The following SPIDR variants were observed in gnomAD, a reference collection of about 807,000 sequenced individuals.
The protein encoded by SPIDR is DNA repair-scaffolding protein.
In SPIDR, 93 loss-of-function variants were observed where a neutral mutation model predicts 104.6. The observed-to-expected ratio is 0.89, with a 90% CI of 0.75 to 1.06. The LOEUF (loss-of-function observed/expected upper bound fraction) is 1.06, where lower values mean the gene tolerates loss of function less well. Among genes scored for constraint, SPIDR ranks in the 50% least tolerant of loss-of-function variants. The probability of loss-of-function intolerance (pLI) is 0.00; values close to 1 mark genes in which losing one functional copy is unlikely to be tolerated. For synonymous variants in SPIDR, 431 were observed against 416.9 expected, an observed-to-expected ratio of 1.03 and a Z score of -0.41; for missense variants, 1,154 against 1,111.2, an observed-to-expected ratio of 1.04 and a Z score of -0.55.
At chr8:47,371,009 G>T (rs1554638495) in intron 5 of SPIDR, among the ~76,000 whole-genome samples, 3 of 151,354 alleles carry the variant, frequency 2.0e-5, no homozygotes, top group African/African-American at 7.3e-5. Flanking sequence ...GACCTCCACT[G>T]TGCTGGTCAC....
chr8:47,478,853 T>C (rs2076564138), intron 8 of SPIDR, among the ~76,000 whole-genome samples: 2 of 152,190 alleles, frequency 1.3e-5, no homozygotes, highest in Non-Finnish European at 2.9e-5. Context: ...TAGGGAAATA[T>C]TCACCACAGA....
At chr8:47,481,722 C>G (rs1429741224) in intron 8 of SPIDR, among the ~76,000 whole-genome samples, 1 of 152,140 alleles carries the variant, frequency 6.6e-6, no homozygotes, top group African/African-American at 2.4e-5. Context: ...GAGACCAGCC[C>G]ATGTGAGTGA....
intron 8 of SPIDR, among the ~76,000 whole-genome samples, chr8:47,582,859 CACACACACACAT>C (rs748852005): frequency 0.013 from 1,829 of 143,950 alleles, 14 homozygotes; most frequent in Non-Finnish European, 0.018. Flanking sequence ...CACACACACA[CACACACACACAT>C]ATTTTTAAAA....
chr8:47,316,786 T>C (rs756986296), intron 5 of SPIDR, among the ~76,000 whole-genome samples: 2 of 152,226 alleles, frequency 1.3e-5, no homozygotes, highest in Non-Finnish European at 2.9e-5. Context: ...CAGTGCTATA[T>C]GTATATGTTA....
At chr8:47,297,028 G>A (rs1355595636) in intron 5 of SPIDR, among the ~76,000 whole-genome samples, 1 of 152,010 alleles carries the variant, frequency 6.6e-6, no homozygotes, top group Non-Finnish European at 1.5e-5. Flanking sequence ...TCTTTTTCAG[G>A]TACTTCATTC....
rs879544611 is a variant in SPIDR, at chr8:47,260,987, C to G, written c.29C>G (p.Ser10Cys). 8.9e-6 allele frequency: 11 copies of G among 1,229,762 alleles called. No homozygotes were observed. The East Asian group carries it at 2.9e-4, about 32-fold the overall frequency. The allele number at this position is 1,229,762 out of a possible 1,614,324, so 76.2% of individuals were successfully genotyped here. A position where few individuals can be genotyped will look rare whatever the true frequency, so the allele number is the denominator to read the frequency against. Residue 10 changes from serine to cysteine, a missense_variant, in exon 1 of 20, where the codon TCT (serine) becomes TGT (cysteine). Coordinates refer to ENST00000297423, the MANE Select transcript of SPIDR (RefSeq NM_001080394.4). MPRGSRARG[S>C]KRKRSWNTEC... ...CCCCGCGGCAGCCGCGCTCGGGGCT[C>G]TAAGGTAGGCTCTGGGGCGGGAGTG... is the stretch of plus-strand genomic sequence containing the variant.
intron 7 of SPIDR, among the ~76,000 whole-genome samples, chr8:47,427,871 G>A (rs1247204749): frequency 6.6e-6 from 1 of 152,164 alleles, no homozygotes; most frequent in South Asian, 2.1e-4. Context: ...GTCACCACTT[G>A]AGTGGCTGGG....
chr8:47,555,930 T>A (rs1464713094), intron 8 of SPIDR, among the ~76,000 whole-genome samples: 1 of 152,256 alleles, frequency 6.6e-6, no homozygotes, highest in African/African-American at 2.4e-5. Context: ...TCTGTCTGTC[T>A]GACAGGGTTG....
chr8:47,674,369 A>G (rs2076155851), intron 11 of SPIDR, among the ~76,000 whole-genome samples: 2 of 152,186 alleles, frequency 1.3e-5, no homozygotes, highest in East Asian at 1.9e-4. Flanking sequence ...GTAAGCAAGC[A>G]TTGTTCTCTG....
chr8:47,575,660 AAAAG>A (rs1564375186), intron 8 of SPIDR, among the ~76,000 whole-genome samples: 5 of 136,256 alleles, frequency 3.7e-5, no homozygotes, highest in African/African-American at 1.1e-4. Flanking sequence ...AAAAAAAAAA[AAAAG>A]AAAGAAAAAA....
intron 10 of SPIDR, among the ~76,000 whole-genome samples, chr8:47,658,175 T>C (rs2073278560): frequency 6.6e-6 from 1 of 152,078 alleles, no homozygotes; most frequent in Non-Finnish European, 1.5e-5. Flanking sequence ...TCCCAGCACT[T>C]TGGGAGGCCG....
intron 10 of SPIDR, among the ~76,000 whole-genome samples, chr8:47,604,831 G>A (rs911768135): frequency 6.6e-6 from 1 of 152,240 alleles, no homozygotes; most frequent in Non-Finnish European, 1.5e-5. Context: ...GAGATGTCCT[G>A]TGAGAAAGCT....
At chr8:47,441,247 A>G (rs1374630129) in intron 8 of SPIDR, among the ~76,000 whole-genome samples, 3 of 152,152 alleles carry the variant, frequency 2.0e-5, no homozygotes, top group Non-Finnish European at 4.4e-5. Context: ...AAATGGCACC[A>G]TTTTACGTTC....
At chr8:47,567,224 TATA>T (rs774645551) in intron 8 of SPIDR, among the ~76,000 whole-genome samples, 2 of 137,758 alleles carry the variant, frequency 1.5e-5, no homozygotes, top group African/African-American at 2.7e-5. Context: ...TATATATATA[TATA>T]TTTTTTTTCT....
intron 11 of SPIDR, among the ~76,000 whole-genome samples, chr8:47,692,887 A>G (rs550027326): frequency 7.2e-5 from 11 of 152,334 alleles, no homozygotes; most frequent in Non-Finnish European, 1.6e-4. Flanking sequence ...AAACATTCAT[A>G]TGCAAGTTTC....
chr8:47,524,507 C>T (rs2084677559), intron 8 of SPIDR, among the ~76,000 whole-genome samples: 1 of 152,146 alleles, frequency 6.6e-6, no homozygotes, highest in African/African-American at 2.4e-5. Context: ...TCCTGACCAC[C>T]CCCGAGGAAC....
intron 11 of SPIDR, among the ~76,000 whole-genome samples, chr8:47,696,098 C>G (rs1211412677): frequency 1.3e-5 from 2 of 152,324 alleles, no homozygotes; most frequent in East Asian, 3.9e-4. Context: ...TTATCTGCAC[C>G]TTACTCATTT....
upstream of SPIDR, chr8:47,260,901 G>C (rs985889565): frequency 3.3e-6 from 4 of 1,201,008 alleles, no homozygotes; most frequent in Non-Finnish European, 4.1e-6. Flanking sequence ...GGTGCGGCGC[G>C]CCGAGGTGGG....
intron 6 of SPIDR, among the ~76,000 whole-genome samples, chr8:47,402,027 A>G (rs1003261904): frequency 6.6e-6 from 1 of 152,232 alleles, no homozygotes; most frequent in East Asian, 1.9e-4. Context: ...TCAAGAGAAT[A>G]TACATTCTTC....
Sources: gnomAD v4.1 joint callset for allele counts (sites outside exome capture counted in the v4.1 genomes callset) on GRCh38, gnomAD v4.1.1 for gene constraint, MANE v1.5 for transcripts, NCBI Gene and HGNC (gene_info 2026-07-23, HGNC 2026-07-21) for gene names.